SOX5: variants seen among roughly 807,000 people sequenced by gnomAD.
The protein encoded by SOX5 is SRY-box transcription factor 5.
SOX5 carries 9 observed loss-of-function variants against 92.0 expected under a neutral mutation model. The ratio of observed to expected loss-of-function variants is 0.10; its 90% CI spans 0.06 to 0.17. The LOEUF (loss-of-function observed/expected upper bound fraction) is 0.17. Among genes scored for constraint, SOX5 ranks in the 10% least tolerant of loss-of-function variants. The pLI is 1.00. For synonymous variants in SOX5, 344 were observed against 336.3 expected, an observed-to-expected ratio of 1.02 and a Z score of -0.25; for missense variants, 642 against 944.5, an observed-to-expected ratio of 0.68 and a Z score of 4.20.
At chr12:24,348,049 C>CAAAAAAAA (rs1182462748) in intron 2 of SOX5, among the ~76,000 whole-genome samples, 104 of 72,606 alleles carry the variant, frequency 1.4e-3, no homozygotes, top group African/African-American at 1.8e-3. Context: ...TACAGCTAAT[C>CAAAAAAAA]AAAAAAAAAA....
At chr12:23,586,298 T>G (rs1950735451) in intron 9 of SOX5, among the ~76,000 whole-genome samples, 1 of 152,102 alleles carries the variant, frequency 6.6e-6, no homozygotes, top group Non-Finnish European at 1.5e-5. Context: ...AGTGGTAGGT[T>G]AATTCTTTAA....
intron 4 of SOX5, among the ~76,000 whole-genome samples, chr12:23,999,339 T>G (rs1181938260): frequency 6.6e-6 from 1 of 151,998 alleles, no homozygotes; most frequent in Admixed American, 6.6e-5. Flanking sequence ...GACCAAAGAG[T>G]ATAACTTTGC....
intron 3 of SOX5, among the ~76,000 whole-genome samples, chr12:24,258,533 A>G (rs1441242413): frequency 6.6e-6 from 1 of 152,174 alleles, no homozygotes; most frequent in Non-Finnish European, 1.5e-5. Flanking sequence ...TTTGTTAGCA[A>G]GTTACCTGTT....
chr12:24,263,888 T>C (rs1395850125), intron 3 of SOX5, among the ~76,000 whole-genome samples: 3 of 152,206 alleles, frequency 2.0e-5, no homozygotes, highest in Non-Finnish European at 4.4e-5. Flanking sequence ...CTAGTAGTTA[T>C]GCAGCCTTAA....
At chr12:23,659,176 A>G (rs749774378) in intron 7 of SOX5, among the ~76,000 whole-genome samples, 1 of 152,116 alleles carries the variant, frequency 6.6e-6, no homozygotes, top group South Asian at 2.1e-4. Flanking sequence ...AGACACGTGA[A>G]CTCTTTGCAT....
chr12:24,083,639 A>C (rs1238643559), intron 4 of SOX5, among the ~76,000 whole-genome samples: 1 of 152,048 alleles, frequency 6.6e-6, no homozygotes, highest in Non-Finnish European at 1.5e-5. Flanking sequence ...ACAGTTATTG[A>C]GTAGCCATCT....
chr12:24,087,522 C>G (rs939896205), intron 4 of SOX5, among the ~76,000 whole-genome samples: 4 of 152,044 alleles, frequency 2.6e-5, no homozygotes, highest in Admixed American at 1.3e-4. Flanking sequence ...GTACAAAGGT[C>G]TACACGGGGA....
intron 4 of SOX5, among the ~76,000 whole-genome samples, chr12:24,056,295 G>A (rs1008466926): frequency 6.6e-6 from 1 of 152,188 alleles, no homozygotes; most frequent in African/African-American, 2.4e-5. Flanking sequence ...GGAAGCCAAA[G>A]AGATGAATGA....
chr12:24,271,652 G>A (rs1172884626), intron 3 of SOX5, among the ~76,000 whole-genome samples: 1 of 152,158 alleles, frequency 6.6e-6, no homozygotes, highest in African/African-American at 2.4e-5. Context: ...TGATTTTTCT[G>A]TGTGATGTGA....
At chr12:24,222,498 T>A (rs1346931934) in intron 3 of SOX5, among the ~76,000 whole-genome samples, 1 of 152,148 alleles carries the variant, frequency 6.6e-6, no homozygotes, top group Non-Finnish European at 1.5e-5. Context: ...GGAATTACTA[T>A]TCGCTGAAAT....
At chr12:24,172,855 G>A (rs1371354154) in intron 4 of SOX5, among the ~76,000 whole-genome samples, 1 of 152,170 alleles carries the variant, frequency 6.6e-6, no homozygotes, top group Non-Finnish European at 1.5e-5. Flanking sequence ...AATGAGAAAG[G>A]TCATCAATTC....
chr12:23,867,704 C>T (rs1038921864), intron 2 of SOX5, among the ~76,000 whole-genome samples: 1 of 151,806 alleles, frequency 6.6e-6, no homozygotes, highest in African/African-American at 2.4e-5. Flanking sequence ...GATCTATCCC[C>T]ATAGAAAAGA....
At chr12:24,386,495 CATCTT>C (rs571143449) in intron 1 of SOX5, among the ~76,000 whole-genome samples, 2 of 152,082 alleles carry the variant, frequency 1.3e-5, no homozygotes, top group South Asian at 2.1e-4. Flanking sequence ...TTCATGAAAA[CATCTT>C]ATAAATAGAA....
At chr12:24,116,168 A>C (rs1164457527) in intron 4 of SOX5, among the ~76,000 whole-genome samples, 1 of 152,162 alleles carries the variant, frequency 6.6e-6, no homozygotes, top group Non-Finnish European at 1.5e-5. Context: ...TAAATACCTA[A>C]ATTTCATCAG....
intron 1 of SOX5, among the ~76,000 whole-genome samples, chr12:23,948,387 T>C (rs983673693): frequency 6.6e-6 from 1 of 152,154 alleles, no homozygotes; most frequent in Non-Finnish European, 1.5e-5. Flanking sequence ...GCTTCACTTC[T>C]AGAATGTTTT....
At chr12:24,279,349 G>A (rs1944890687) in intron 2 of SOX5, among the ~76,000 whole-genome samples, 1 of 152,044 alleles carries the variant, frequency 6.6e-6, no homozygotes, top group Admixed American at 6.6e-5. Context: ...TTAGGTGTGT[G>A]AAATTGACTA....
At chr12:24,059,492 C>G (rs2137249317) in intron 4 of SOX5, among the ~76,000 whole-genome samples, 1 of 152,178 alleles carries the variant, frequency 6.6e-6, no homozygotes, top group Admixed American at 6.5e-5. Flanking sequence ...CTATTCTCAC[C>G]ATGCTGCCTC....
chr12:24,382,137 T>C (rs139662506), intron 1 of SOX5, among the ~76,000 whole-genome samples: 4 of 152,250 alleles, frequency 2.6e-5, no homozygotes, highest in African/African-American at 4.8e-5. Flanking sequence ...AACATATGTA[T>C]ATACACACAT....
At chr12:24,210,005 G>C (rs1238867947) in intron 4 of SOX5, among the ~76,000 whole-genome samples, 1 of 105,148 alleles carries the variant, frequency 9.5e-6, no homozygotes, top group South Asian at 3.7e-4. Flanking sequence ...GCGACAGAGC[G>C]AGACTCCGTC....
Sources: gnomAD v4.1 joint callset for allele counts (sites outside exome capture counted in the v4.1 genomes callset) on GRCh38, gnomAD v4.1.1 for gene constraint, MANE v1.5 for transcripts, NCBI Gene and HGNC (gene_info 2026-07-23, HGNC 2026-07-21) for gene names.